NCAM2: variants seen among roughly 807,000 people sequenced by gnomAD.
NCAM2 encodes neural cell adhesion molecule 2.
Under a neutral mutation model 98.1 loss-of-function variants are expected in NCAM2, and 30 were observed. That is an observed-to-expected ratio of 0.31 (90% confidence interval 0.23 to 0.41). The LOEUF (loss-of-function observed/expected upper bound fraction) is 0.41, where lower values mean the gene tolerates loss of function less well. Ranked by LOEUF, NCAM2 falls within the 10% of genes least tolerant of loss-of-function variation. NCAM2 has a pLI of 1.00. For synonymous variants in NCAM2, 368 were observed against 342.4 expected (o/e 1.07, Z -0.83); for missense variants, 867 against 1,005.8 (o/e 0.86, Z 1.87).
intron 1 of NCAM2, among the ~76,000 whole-genome samples, chr21:21,265,849 A>G (rs144273669): frequency 2.0e-5 from 3 of 152,188 alleles, no homozygotes; most frequent in East Asian, 1.9e-4. Flanking sequence ...CCCAAACCTC[A>G]GCATTACTCA....
intron 1 of NCAM2, among the ~76,000 whole-genome samples, chr21:21,066,761 C>T: frequency 6.6e-6 from 1 of 151,926 alleles, no homozygotes; most frequent in East Asian, 1.9e-4. Flanking sequence ...TACTTTTAAG[C>T]CTATAGCAAG....
chr21:21,280,009 T>A (rs2072871355), intron 1 of NCAM2, among the ~76,000 whole-genome samples: 1 of 152,340 alleles, frequency 6.6e-6, no homozygotes, highest in African/African-American at 2.4e-5. Context: ...ATTTAAAATA[T>A]CAGGCATCTC....
chr21:21,234,172 T>C (rs2147200118), intron 1 of NCAM2, among the ~76,000 whole-genome samples: 1 of 151,970 alleles, frequency 6.6e-6, no homozygotes, highest in South Asian at 2.1e-4. Flanking sequence ...TCTGCACTAT[T>C]TTATCTGTCC....
rs374652800 is a variant in NCAM2 at position 21,085,483 on chromosome 21, G to A, written c.55+86865G>A. Among the ~76,000 whole-genome samples, 122 of 152,078 alleles carry A rather than the reference G, an allele frequency of 8.0e-4. 2 individuals are homozygous for A. The highest frequency in any genetic ancestry group is 2.2e-3 in the African/African-American group (91 of 41,486). ...CCAGCCATGTTGCTGTCTCATGCTC[G>A]TTTTGCTTGACTTCTCACTTGTCCA... On this transcript the variant is annotated intron_variant, in intron 1 of 17. Coordinates refer to ENST00000400546, the MANE Select transcript of NCAM2 (RefSeq NM_004540.5).
At chr21:21,376,381 T>C (rs1169994483) in intron 9 of NCAM2, among the ~76,000 whole-genome samples, 2 of 151,764 alleles carry the variant, frequency 1.3e-5, no homozygotes, top group East Asian at 3.9e-4. Flanking sequence ...TTGTGCTGAG[T>C]GATAATGGAC....
chr21:21,445,733 G>T (rs1169655175), intron 12 of NCAM2, among the ~76,000 whole-genome samples: 1 of 151,908 alleles, frequency 6.6e-6, no homozygotes, highest in Non-Finnish European at 1.5e-5. Context: ...CACGTGAGAT[G>T]GGTCTCCAGA....
chr21:21,283,908 C>T (rs928346177), intron 2 of NCAM2, among the ~76,000 whole-genome samples: 2 of 151,790 alleles, frequency 1.3e-5, no homozygotes, highest in South Asian at 4.1e-4. Flanking sequence ...CATTGATTAC[C>T]AAGGGAAAAT....
intron 15 of NCAM2, among the ~76,000 whole-genome samples, chr21:21,497,787 G>T (rs767882493): frequency 5.3e-5 from 8 of 152,060 alleles, no homozygotes; most frequent in Non-Finnish European, 7.4e-5. Flanking sequence ...AGACTGTTCA[G>T]CAAAGTACAC....
chr21:21,375,934 G>A (rs1003271911), intron 9 of NCAM2, among the ~76,000 whole-genome samples: 2 of 151,778 alleles, frequency 1.3e-5, no homozygotes, highest in African/African-American at 4.8e-5. Flanking sequence ...AGTACTAAAT[G>A]TCTGTTGCAG....
intron 12 of NCAM2, among the ~76,000 whole-genome samples, chr21:21,436,496 TA>T (rs572621005): frequency 3.8e-4 from 58 of 152,232 alleles, no homozygotes; most frequent in Non-Finnish European, 6.5e-4. Flanking sequence ...TATTTTAATA[TA>T]TAACATATTA....
At chr21:21,250,711 C>A (rs1194640432) in intron 1 of NCAM2, among the ~76,000 whole-genome samples, 1 of 152,088 alleles carries the variant, frequency 6.6e-6, no homozygotes, top group Non-Finnish European at 1.5e-5. Flanking sequence ...CACACTATAT[C>A]CACAGATTTC....
intron 8 of NCAM2, among the ~76,000 whole-genome samples, chr21:21,362,183 T>C (rs1344441411): frequency 6.6e-6 from 1 of 151,988 alleles, no homozygotes; most frequent in East Asian, 1.9e-4. Flanking sequence ...AACACAACAG[T>C]GAGTTCTTAA....
intron 8 of NCAM2, among the ~76,000 whole-genome samples, chr21:21,359,730 G>A (rs921085092): frequency 1.3e-5 from 2 of 151,778 alleles, no homozygotes; most frequent in African/African-American, 4.8e-5. Context: ...ACAGAATTCA[G>A]TTAGCATTTA....
At chr21:21,509,162 G>T in intron 16 of NCAM2, 107 bp downstream of exon 16, 1 of 1,027,638 alleles carries the variant, frequency 9.7e-7, no homozygotes, top group Non-Finnish European at 1.4e-6. Flanking sequence ...TAAAGAGTTT[G>T]ATTATGCAAC....
At chr21:21,204,879 A>G (rs1014849667) in intron 1 of NCAM2, among the ~76,000 whole-genome samples, 2 of 152,188 alleles carry the variant, frequency 1.3e-5, no homozygotes, top group African/African-American at 2.4e-5. Context: ...TCATATAAAT[A>G]TAGAACGTAT....
intron 1 of NCAM2, among the ~76,000 whole-genome samples, chr21:21,171,349 G>A (rs1313232676): frequency 6.6e-6 from 1 of 152,200 alleles, no homozygotes; most frequent in Non-Finnish European, 1.5e-5. Flanking sequence ...GCTAGGCACT[G>A]ATAGTAAGAG....
chr21:21,068,632 GTA>G (rs2065493771), intron 1 of NCAM2, among the ~76,000 whole-genome samples: 1 of 151,872 alleles, frequency 6.6e-6, no homozygotes, highest in Non-Finnish European at 1.5e-5. Flanking sequence ...GCTAATTTTT[GTA>G]TTTTTAGTAG....
chr21:21,213,065 A>G (rs889779278), intron 1 of NCAM2, among the ~76,000 whole-genome samples: 30 of 152,134 alleles, frequency 2.0e-4, no homozygotes, highest in African/African-American at 7.2e-4. Context: ...AATGTAGATC[A>G]CTAACTAGTT....
intron 2 of NCAM2, among the ~76,000 whole-genome samples, chr21:21,283,716 G>T (rs1367138647): frequency 6.6e-6 from 1 of 151,826 alleles, no homozygotes; most frequent in Non-Finnish European, 1.5e-5. Flanking sequence ...TTTTGTGAAA[G>T]ATTTACATTT....
Sources: allele counts gnomAD v4.1 joint callset (sites outside exome capture counted in the v4.1 genomes callset), GRCh38; gene constraint gnomAD v4.1.1; transcripts MANE v1.5; gene names NCBI Gene and HGNC (gene_info 2026-07-23, HGNC 2026-07-21).